Variants in NKAIN2 observed in about 807,000 individuals in gnomAD.
NKAIN2 encodes sodium/potassium transporting ATPase interacting 2.
In NKAIN2, 14 loss-of-function variants were observed where a neutral mutation model predicts 32.6. The observed-to-expected ratio is 0.43, with a 90% CI of 0.28 to 0.67. NKAIN2 has a LOEUF of 0.67. Ranked by LOEUF, NKAIN2 falls within the 30% of genes least tolerant of loss-of-function variation. The probability of loss-of-function intolerance (pLI) is 0.17; values close to 1 mark genes in which losing one functional copy is unlikely to be tolerated. For synonymous variants in NKAIN2, 80 were observed against 87.2 expected (o/e 0.92, Z 0.46); for missense variants, 198 against 258.3 (o/e 0.77, Z 1.60).
chr6:124,355,663 A>G (rs1274036220), intron 3 of NKAIN2, among the ~76,000 whole-genome samples: 1 of 152,114 alleles, frequency 6.6e-6, no homozygotes, highest in Non-Finnish European at 1.5e-5. Flanking sequence ...AATCTTGAAG[A>G]TTTCTGAAAT....
Position 124,732,569 on chromosome 6 carries a change from A to T in NKAIN2, c.475-58770A>T, listed in dbSNP as rs572967973. Among the ~76,000 whole-genome samples the T allele has an allele frequency of 2.7e-4, 41 of 152,194 alleles. No individual in the cohort carries two copies. In the South Asian group the frequency reaches 5.0e-3, roughly 18 times the overall value. ...CATTTTATAGAGAGTGAGATTCAAT[A>T]ATTTACTTTTTCTTTGGTTACACTC... On this transcript the variant is annotated intron_variant, in intron 4 of 6. Transcript: ENST00000368417.
chr6:124,527,531 G>A (rs148809883), intron 3 of NKAIN2, among the ~76,000 whole-genome samples: 1 of 152,140 alleles, frequency 6.6e-6, no homozygotes, highest in Non-Finnish European at 1.5e-5. Flanking sequence ...TCAAAGTGAT[G>A]AATTCTGCAT....
At chr6:124,057,550 TTTA>T (rs1782715919) in intron 1 of NKAIN2, among the ~76,000 whole-genome samples, 1 of 151,886 alleles carries the variant, frequency 6.6e-6, no homozygotes, top group Non-Finnish European at 1.5e-5. Context: ...TTTGCTGACA[TTTA>T]TAAACTATTT....
intron 1 of NKAIN2, among the ~76,000 whole-genome samples, chr6:123,927,754 C>T (rs774033198): frequency 2.5e-4 from 38 of 152,160 alleles, no homozygotes; most frequent in Non-Finnish European, 4.6e-4. Flanking sequence ...ACATGGCAAA[C>T]ATGTGTCTTC....
At chr6:123,937,680 G>A (rs867866950) in intron 1 of NKAIN2, among the ~76,000 whole-genome samples, 10 of 151,970 alleles carry the variant, frequency 6.6e-5, no homozygotes, top group East Asian at 1.9e-4. Context: ...AGCTAGGGAC[G>A]GCCTGCAGTG....
At position 124,176,379 on chromosome 6, in the gene NKAIN2, G is replaced by A. The variant is rs115108336; in HGVS notation, c.55-106626G>A. On this transcript the variant is annotated intron_variant, in intron 1 of 6. Transcript: ENST00000368417. ...TAGTCTCTAATAACTAGCTCTACTG[G>A]TTATATTTTGAATTCTTTGGGATTT... is the stretch of plus-strand genomic sequence containing the variant. Among the ~76,000 whole-genome samples the A allele has an allele frequency of 7.8e-3, 1,181 of 152,178 alleles. 12 individuals carry two copies. Among genetic ancestry groups the A allele is most frequent in the African/African-American group, 0.027 (1,127 of 41,540 alleles).
intron 1 of NKAIN2, among the ~76,000 whole-genome samples, chr6:124,152,445 A>G (rs1357981754): frequency 1.3e-5 from 2 of 151,962 alleles, no homozygotes; most frequent in Non-Finnish European, 2.9e-5. Flanking sequence ...AATCAAAACA[A>G]TAAATAATAA....
intron 2 of NKAIN2, among the ~76,000 whole-genome samples, chr6:124,287,955 C>T (rs564795171): frequency 8.3e-5 from 11 of 132,812 alleles, no homozygotes; most frequent in Admixed American, 6.9e-4. Flanking sequence ...AATTATTTCT[C>T]CCCCCCTCTC....
At chr6:123,945,963 A>G (rs1777043475) in intron 1 of NKAIN2, among the ~76,000 whole-genome samples, 1 of 152,198 alleles carries the variant, frequency 6.6e-6, no homozygotes, top group Non-Finnish European at 1.5e-5. Flanking sequence ...CTGACACTGT[A>G]TCATTTCCTT....
chr6:124,116,586 T>TTTTGG (rs1460138059), intron 1 of NKAIN2, among the ~76,000 whole-genome samples: 2 of 151,954 alleles, frequency 1.3e-5, no homozygotes. Context: ...AAAAACATTG[T>TTTTGG]TTTTGTTTTT....
intron 1 of NKAIN2, among the ~76,000 whole-genome samples, chr6:124,189,463 G>C (rs1400255435): frequency 6.6e-6 from 1 of 152,146 alleles, no homozygotes; most frequent in Non-Finnish European, 1.5e-5. Context: ...CACTTTGGGA[G>C]GCCGAGGTGG....
intron 4 of NKAIN2, among the ~76,000 whole-genome samples, chr6:124,761,371 TC>T (rs1181046432): frequency 6.6e-6 from 1 of 152,158 alleles, no homozygotes; most frequent in Non-Finnish European, 1.5e-5. Context: ...TGCTATTACT[TC>T]ATACCACGTT....
intron 3 of NKAIN2, among the ~76,000 whole-genome samples, chr6:124,366,599 C>T (rs1799527085): frequency 6.6e-6 from 1 of 152,038 alleles, no homozygotes; most frequent in South Asian, 2.1e-4. Context: ...TATAACCTTA[C>T]TTATTGAGGA....
chr6:124,780,138 A>C, intron 4 of NKAIN2, among the ~76,000 whole-genome samples: 1 of 152,174 alleles, frequency 6.6e-6, no homozygotes, highest in East Asian at 1.9e-4. Context: ...AAAGTATTCT[A>C]TGGTTATCAA....
chr6:124,196,440 A>G (rs960229552), intron 1 of NKAIN2, among the ~76,000 whole-genome samples: 2 of 152,098 alleles, frequency 1.3e-5, no homozygotes, highest in South Asian at 2.1e-4. Flanking sequence ...AAAATTGCCA[A>G]AGTAAATCAT....
At chr6:124,798,879 C>T (rs113797545) in intron 5 of NKAIN2, among the ~76,000 whole-genome samples, 1,615 of 152,218 alleles carry the variant, frequency 0.011, 39 homozygotes, top group African/African-American at 0.037. Flanking sequence ...AAGATCCACC[C>T]CTGTCTTGTT....
chr6:123,842,740 C>T (rs1426405653), intron 1 of NKAIN2, among the ~76,000 whole-genome samples: 3 of 151,786 alleles, frequency 2.0e-5, no homozygotes, highest in East Asian at 3.9e-4. Flanking sequence ...TGGGATCATT[C>T]TTGTTCTGAA....
intron 1 of NKAIN2, among the ~76,000 whole-genome samples, chr6:124,176,370 G>C (rs1380776716): frequency 6.6e-6 from 1 of 152,050 alleles, no homozygotes; most frequent in Non-Finnish European, 1.5e-5. Context: ...CTAATAACTA[G>C]CTCTACTGGT....
intron 3 of NKAIN2, among the ~76,000 whole-genome samples, chr6:124,465,965 T>C (rs923946645): frequency 2.6e-5 from 4 of 152,090 alleles, no homozygotes; most frequent in African/African-American, 7.2e-5. Context: ...CTTTCCACTT[T>C]AGGAAAAAAT....
Sources: gnomAD v4.1 joint callset for allele counts (sites outside exome capture counted in the v4.1 genomes callset) on GRCh38, gnomAD v4.1.1 for gene constraint, MANE v1.5 for transcripts, NCBI Gene and HGNC (gene_info 2026-07-23, HGNC 2026-07-21) for gene names.